Variants in L3MBTL4 observed in about 807,000 individuals in gnomAD.
L3MBTL4 encodes lethal(3)malignant brain tumor-like protein 4.
In L3MBTL4, 70 loss-of-function variants were observed where a neutral mutation model predicts 84.5. That is an observed-to-expected ratio of 0.83 (90% confidence interval 0.68 to 1.01). The LOEUF (loss-of-function observed/expected upper bound fraction) is 1.01. Among genes scored for constraint, L3MBTL4 ranks in the 50% least tolerant of loss-of-function variants. L3MBTL4 has a pLI of 0.00. For synonymous variants in L3MBTL4, 274 were observed against 259.8 expected (o/e 1.05, Z -0.52); for missense variants, 715 against 754.8 (o/e 0.95, Z 0.62).
chr18:6,125,143 G>C (rs1395507180), intron 14 of L3MBTL4, among the ~76,000 whole-genome samples: 2 of 143,112 alleles, frequency 1.4e-5, no homozygotes, highest in Non-Finnish European at 3.0e-5. Flanking sequence ...TCCTAAACTA[G>C]AAATTATTAA....
At chr18:6,299,916 C>G in intron 4 of L3MBTL4, among the ~76,000 whole-genome samples, 1 of 152,282 alleles carries the variant, frequency 6.6e-6, no homozygotes, top group East Asian at 1.9e-4. Flanking sequence ...AAGAGATCCA[C>G]CCGCCTTGGT....
chr18:6,302,896 C>G (rs1188072068), intron 3 of L3MBTL4, among the ~76,000 whole-genome samples: 1 of 152,072 alleles, frequency 6.6e-6, no homozygotes, highest in Non-Finnish European at 1.5e-5. Flanking sequence ...GAGGCTGAGG[C>G]TGAAGAACTG....
At chr18:6,113,464 C>CAAAA (rs34482524) in intron 14 of L3MBTL4, among the ~76,000 whole-genome samples, 3 of 113,784 alleles carry the variant, frequency 2.6e-5, no homozygotes, top group East Asian at 2.6e-4. Context: ...CAAGTGTGGG[C>CAAAA]AAAAAAAAAA....
chr18:6,406,278 G>A (rs1330242863), intron 1 of L3MBTL4, among the ~76,000 whole-genome samples: 1 of 152,214 alleles, frequency 6.6e-6, no homozygotes, highest in East Asian at 1.9e-4. Flanking sequence ...ATAATTTTAT[G>A]TCTTCACCAC....
At chr18:6,368,553 G>T (rs1472173442) in intron 1 of L3MBTL4, among the ~76,000 whole-genome samples, 1 of 152,040 alleles carries the variant, frequency 6.6e-6, no homozygotes, top group East Asian at 1.9e-4. Flanking sequence ...CTGAGGTATA[G>T]GTATTATTAT....
intron 1 of L3MBTL4, among the ~76,000 whole-genome samples, chr18:6,370,459 G>T (rs1306370084): frequency 6.6e-6 from 1 of 152,146 alleles, no homozygotes; most frequent in Non-Finnish European, 1.5e-5. Flanking sequence ...AACCCAGATG[G>T]AATCACCAGC....
At chr18:6,409,779 C>G (rs1050283816) in intron 1 of L3MBTL4, among the ~76,000 whole-genome samples, 1 of 152,190 alleles carries the variant, frequency 6.6e-6, no homozygotes, top group Admixed American at 6.5e-5. Context: ...AAGTTGTCAC[C>G]TTAAAAATAA....
rs1229926422 is a variant in L3MBTL4, at chr18:6,295,344, CTCTATATATA to C, written c.127+6549_127+6558del. Among the ~76,000 whole-genome samples, 274 of 105,338 alleles carry C rather than the reference CTCTATATATA, an allele frequency of 2.6e-3. 3 individuals carry two copies. The highest frequency in any genetic ancestry group is 0.014 in the African/African-American group (262 of 19,216). The allele number at this position is 105,338 out of a possible 152,430, so 69.1% of individuals were successfully genotyped here. A position where few individuals can be genotyped will look rare whatever the true frequency, so the allele number is the denominator to read the frequency against. ...TCTCTCTCTCTCTCTCTCTCTCTCT[CTCTATATATA>C]TATATATATATATATATACAGCCTT... On this transcript the variant is annotated intron_variant, in intron 4 of 18. Coordinates refer to ENST00000317931, the MANE Select transcript of L3MBTL4 (RefSeq NM_001330559.2).
At chr18:6,298,282 T>C (rs2050188342) in intron 4 of L3MBTL4, among the ~76,000 whole-genome samples, 1 of 152,236 alleles carries the variant, frequency 6.6e-6, no homozygotes, top group Non-Finnish European at 1.5e-5. Context: ...TTAATGAGAC[T>C]AAATATTTTT....
chr18:5,956,904 T>A (rs2095230230), intron 18 of L3MBTL4, among the ~76,000 whole-genome samples: 1 of 123,106 alleles, frequency 8.1e-6, no homozygotes, highest in South Asian at 2.7e-4. Context: ...ATTTAATGAT[T>A]TAGGAATTTT....
At chr18:6,143,940 G>A (rs181768554) in intron 13 of L3MBTL4, among the ~76,000 whole-genome samples, 87 of 152,290 alleles carry the variant, frequency 5.7e-4, no homozygotes, top group African/African-American at 2.1e-3. Flanking sequence ...GCTCACGCCT[G>A]TAATCCCAGC....
chr18:6,096,454 G>A (rs2058646979), intron 14 of L3MBTL4, among the ~76,000 whole-genome samples: 1 of 152,144 alleles, frequency 6.6e-6, no homozygotes, highest in Non-Finnish European at 1.5e-5. Context: ...CTTAGAATCT[G>A]GGTTCTGAGA....
chr18:6,037,977 A>G (rs1231046555), intron 16 of L3MBTL4, among the ~76,000 whole-genome samples: 1 of 152,214 alleles, frequency 6.6e-6, no homozygotes, highest in Non-Finnish European at 1.5e-5. Context: ...TAACTTGGAG[A>G]GAGGATAACG....
At chr18:6,119,340 C>T (rs1313904385) in intron 14 of L3MBTL4, among the ~76,000 whole-genome samples, 1 of 152,130 alleles carries the variant, frequency 6.6e-6, no homozygotes, top group Admixed American at 6.5e-5. Context: ...GCAGATGGCA[C>T]CTAAATGCTA....
chr18:6,165,804 T>C (rs1480926994), intron 13 of L3MBTL4, among the ~76,000 whole-genome samples: 2 of 152,200 alleles, frequency 1.3e-5, no homozygotes, highest in East Asian at 3.9e-4. Flanking sequence ...AACATCATAA[T>C]GACAGGATCA....
At chr18:5,976,990 G>A (rs369834319) in intron 16 of L3MBTL4, among the ~76,000 whole-genome samples, 6 of 152,088 alleles carry the variant, frequency 3.9e-5, no homozygotes, top group African/African-American at 1.2e-4. Flanking sequence ...TCTGGACTCC[G>A]GAGGGCATCT....
At chr18:6,082,794 G>A (rs1251106425) in intron 15 of L3MBTL4, among the ~76,000 whole-genome samples, 1 of 152,098 alleles carries the variant, frequency 6.6e-6, no homozygotes, top group South Asian at 2.1e-4. Context: ...TTGATCATGG[G>A]TATATTTCAG....
intron 10 of L3MBTL4, among the ~76,000 whole-genome samples, chr18:6,216,612 A>G (rs1392143794): frequency 2.0e-5 from 3 of 152,282 alleles, no homozygotes; most frequent in East Asian, 3.9e-4. Context: ...AATTATAAAC[A>G]TAACTTATTT....
chr18:6,379,094 G>A (rs1006310786), intron 1 of L3MBTL4, among the ~76,000 whole-genome samples: 3 of 152,144 alleles, frequency 2.0e-5, no homozygotes, highest in Non-Finnish European at 4.4e-5. Context: ...GTGAATAAGA[G>A]TTCACTCATG....
Sources: allele counts gnomAD v4.1 joint callset (sites outside exome capture counted in the v4.1 genomes callset), GRCh38; gene constraint gnomAD v4.1.1; transcripts MANE v1.5; gene names NCBI Gene and HGNC (gene_info 2026-07-23, HGNC 2026-07-21).